Variants in PLEKHH2 observed in about 807,000 individuals in gnomAD.
PLEKHH2 encodes pleckstrin homology, MyTH4 and FERM domain containing H2.
A neutral mutation model predicts 187.9 loss-of-function variants in PLEKHH2; 129 were observed. That is an observed-to-expected ratio of 0.69 (90% confidence interval 0.59 to 0.79). The LOEUF (loss-of-function observed/expected upper bound fraction) is 0.79. PLEKHH2 is among the 30% of genes least tolerant of loss of function. PLEKHH2 has a pLI of 0.00. For synonymous variants in PLEKHH2, 686 were observed against 605.6 expected (o/e 1.13, Z -1.95); for missense variants, 2,076 against 1,751.2 (o/e 1.19, Z -3.31).
At chr2:43,680,582 C>G (rs1393398985) in intron 3 of PLEKHH2, 1 of 184,810 alleles carries the variant, frequency 5.4e-6, no homozygotes, top group African/African-American at 2.4e-5. Flanking sequence ...GGTAAGGAGT[C>G]TGGCAACAAG....
At chr2:43,654,750 G>A (rs969248228) in intron 2 of PLEKHH2, among the ~76,000 whole-genome samples, 1 of 148,558 alleles carries the variant, frequency 6.7e-6, no homozygotes, top group Non-Finnish European at 1.5e-5. Context: ...AAATAGGCCA[G>A]GCGTGGTGGC....
chr2:43,720,569 A>G lies in PLEKHH2; in HGVS notation c.2461-100A>G, dbSNP rs370071596. 3.9e-5 allele frequency: 60 copies of G among 1,547,670 alleles called. 1 individual carries two copies. In the African/African-American group the frequency reaches 7.7e-4, roughly 20 times the overall value. On this transcript the variant is annotated intron_variant, in intron 15 of 29. Transcript: ENST00000282406. ...TTTGGAATATCACTTATATCTGGGC[A>G]AACTGGATGCCTATAGAAACTCAAA...
chr2:43,691,347 G>A (rs972726058), intron 3 of PLEKHH2, among the ~76,000 whole-genome samples: 2 of 152,226 alleles, frequency 1.3e-5, no homozygotes, highest in African/African-American at 2.4e-5. Context: ...GGCTGAGCCC[G>A]GGGCTTTTTA....
intron 4 of PLEKHH2, among the ~76,000 whole-genome samples, chr2:43,693,287 C>G (rs1329521926): frequency 6.6e-6 from 1 of 152,102 alleles, no homozygotes; most frequent in Admixed American, 6.6e-5. Flanking sequence ...AGGTATGCCC[C>G]TAAATTGTTT....
At chr2:43,719,266 T>C (rs1270599238) in intron 15 of PLEKHH2, among the ~76,000 whole-genome samples, 1 of 152,174 alleles carries the variant, frequency 6.6e-6, no homozygotes, top group Admixed American at 6.5e-5. Flanking sequence ...TCAAATTCTG[T>C]CCCAGTCACT....
rs761900756 is a variant in PLEKHH2 at position 43,700,525 on chromosome 2, G to A, written c.1567G>A (p.Asp523Asn). 3.7e-6 allele frequency: 6 copies of A among 1,613,958 alleles called. No individual in the cohort carries two copies. The East Asian group carries it at 1.3e-4, about 36-fold the overall frequency. The stretch of plus-strand genomic sequence containing the variant: ...TGACTCCTTGGACTCTCCAAATTCA[G>A]ATGACCAGGAACACTGTGACTCAGC... ...SYDSLDSPNS[D>N]DQEHCDSAKK... Residue 523 changes from aspartate (D) to asparagine (N), a missense_variant, in exon 8 of 30, where the codon GAT (aspartate) becomes AAT (asparagine). Asp to Asn is a conservative substitution (Grantham distance 23). Coordinates refer to ENST00000282406, the MANE Select transcript of PLEKHH2 (RefSeq NM_172069.4).
intron 9 of PLEKHH2, among the ~76,000 whole-genome samples, chr2:43,705,257 T>TTTTC (rs1259360522): frequency 2.1e-5 from 3 of 140,920 alleles, no homozygotes; most frequent in Non-Finnish European, 4.6e-5. Flanking sequence ...TATCCTTTTT[T>TTTTC]TTTTTTTTTT....
chr2:43,725,957 A>ATT (rs11371946), intron 16 of PLEKHH2, among the ~76,000 whole-genome samples: 9 of 150,214 alleles, frequency 6.0e-5, no homozygotes, highest in African/African-American at 1.7e-4. Context: ...AAAAAAAATC[A>ATT]TTTTTTTTTA....
chr2:43,719,674 A>G (rs1045243020), intron 15 of PLEKHH2, among the ~76,000 whole-genome samples: 1 of 152,212 alleles, frequency 6.6e-6, no homozygotes, highest in African/African-American at 2.4e-5. Context: ...TCCTGACCTC[A>G]GGTGATCCAC....
At chr2:43,683,504 C>A (rs1354741631) in intron 3 of PLEKHH2, among the ~76,000 whole-genome samples, 1 of 151,900 alleles carries the variant, frequency 6.6e-6, no homozygotes, top group Admixed American at 6.6e-5. Context: ...TGATACATTT[C>A]ATTTGATTCT....
At chr2:43,740,348 C>T (rs1321753478) in intron 20 of PLEKHH2, among the ~76,000 whole-genome samples, 1 of 152,100 alleles carries the variant, frequency 6.6e-6, no homozygotes, top group Non-Finnish European at 1.5e-5. Flanking sequence ...TGAGCATTAA[C>T]CACCATGTTC....
At chr2:43,738,188 C>T (rs1038666105) in intron 19 of PLEKHH2, among the ~76,000 whole-genome samples, 153 bp from the exon 20 acceptor site, 2 of 152,124 alleles carry the variant, frequency 1.3e-5, no homozygotes, top group South Asian at 2.1e-4. Flanking sequence ...ATTATTGTGG[C>T]GATTCCAGAT....
At chr2:43,763,118 G>C (rs1181732696) in intron 28 of PLEKHH2, among the ~76,000 whole-genome samples, 1 of 151,640 alleles carries the variant, frequency 6.6e-6, no homozygotes, top group Non-Finnish European at 1.5e-5. Context: ...TTTTTCAAGG[G>C]GTTATATTTT....
chr2:43,651,005 T>A (rs1666441927), intron 2 of PLEKHH2, among the ~76,000 whole-genome samples: 1 of 152,094 alleles, frequency 6.6e-6, no homozygotes, highest in South Asian at 2.1e-4. Flanking sequence ...TAAGTTTTAT[T>A]GGATATACCT....
At chr2:43,676,371 G>C (rs762698083) in intron 2 of PLEKHH2, 2 of 1,440,092 alleles carry the variant, frequency 1.4e-6, no homozygotes, top group South Asian at 1.4e-5. Flanking sequence ...GCCTGGGACC[G>C]GGTCCTGGGG....
chr2:43,651,244 T>G (rs1335855521), intron 2 of PLEKHH2, among the ~76,000 whole-genome samples: 1 of 152,012 alleles, frequency 6.6e-6, no homozygotes, highest in African/African-American at 2.4e-5. Flanking sequence ...CATTGTTGTA[T>G]TTTTAGTAGA....
intron 16 of PLEKHH2, 65 bp downstream of exon 16, chr2:43,720,814 C>T: frequency 1.3e-6 from 2 of 1,525,758 alleles, no homozygotes; most frequent in Non-Finnish European, 1.7e-6. Context: ...TAAACTTTTC[C>T]TTTTCTCTCT....
At chr2:43,745,997 A>G (rs925926787) in intron 24 of PLEKHH2, 34 bp downstream of exon 24, 2 of 1,396,942 alleles carry the variant, frequency 1.4e-6, no homozygotes, top group African/African-American at 1.4e-5. Flanking sequence ...CCAAAGTATG[A>G]GTATACAATA....
chr2:43,658,062 C>T (rs1666880662), intron 2 of PLEKHH2, among the ~76,000 whole-genome samples: 2 of 152,112 alleles, frequency 1.3e-5, no homozygotes, highest in Non-Finnish European at 2.9e-5. Flanking sequence ...TTGAATATTT[C>T]TTCATCTTCC....
Sources: allele counts gnomAD v4.1 joint callset (sites outside exome capture counted in the v4.1 genomes callset), GRCh38; gene constraint gnomAD v4.1.1; transcripts MANE v1.5; gene names NCBI Gene and HGNC (gene_info 2026-07-23, HGNC 2026-07-21).